DLG2: variants seen among roughly 807,000 people sequenced by gnomAD.
DLG2 encodes the protein disks large homolog 2.
A neutral mutation model predicts 132.5 loss-of-function variants in DLG2; 45 were observed. The observed-to-expected ratio is 0.34, with a 90% CI of 0.27 to 0.44. The LOEUF (loss-of-function observed/expected upper bound fraction) is 0.44. DLG2 is among the 20% of genes least tolerant of loss of function. The pLI is 1.00. For synonymous variants in DLG2, 424 were observed against 419.6 expected, an observed-to-expected ratio of 1.01 and a Z score of -0.13; for missense variants, 1,045 against 1,196.9, an observed-to-expected ratio of 0.87 and a Z score of 1.87.
chr11:83,933,525 TA>T (rs1472529146), intron 14 of DLG2, among the ~76,000 whole-genome samples: 1 of 152,242 alleles, frequency 6.6e-6, no homozygotes, highest in Non-Finnish European at 1.5e-5. Flanking sequence ...TTATAGCATA[TA>T]ATTAGCACAC....
At chr11:83,757,660 C>G (rs1044227108) in intron 18 of DLG2, among the ~76,000 whole-genome samples, 1 of 152,164 alleles carries the variant, frequency 6.6e-6, no homozygotes, top group African/African-American at 2.4e-5. Flanking sequence ...TTCTCTTGAT[C>G]TCAGGGTTGC....
intron 18 of DLG2, among the ~76,000 whole-genome samples, chr11:83,733,953 A>G (rs987143040): frequency 7.1e-5 from 9 of 126,372 alleles, no homozygotes; most frequent in African/African-American, 2.2e-4. Flanking sequence ...TCCAGTGTCT[A>G]CTATTCCACT....
chr11:84,726,035 T>C (rs2062409092), intron 6 of DLG2, among the ~76,000 whole-genome samples: 1 of 152,140 alleles, frequency 6.6e-6, no homozygotes, highest in Admixed American at 6.5e-5. Context: ...AATGCAATGA[T>C]ACATTCTCAG....
chr11:84,723,683 A>T (rs1465747209), intron 6 of DLG2, among the ~76,000 whole-genome samples: 1 of 152,134 alleles, frequency 6.6e-6, no homozygotes, highest in Non-Finnish European at 1.5e-5. Context: ...TTGAGAGTGT[A>T]CTGCATGGGG....
intron 4 of DLG2, among the ~76,000 whole-genome samples, chr11:85,233,646 C>T (rs901193187): frequency 2.0e-4 from 31 of 151,328 alleles, no homozygotes; most frequent in African/African-American, 7.5e-4. Context: ...GGCTAGATAC[C>T]ATTAGAAGCC....
chr11:84,045,111 G>C (rs2096211521), intron 11 of DLG2, among the ~76,000 whole-genome samples: 1 of 151,720 alleles, frequency 6.6e-6, no homozygotes, highest in Non-Finnish European at 1.5e-5. Flanking sequence ...TTAGTAGTAT[G>C]CACATTGTGT....
chr11:84,389,659 C>G (rs186422372), intron 7 of DLG2, among the ~76,000 whole-genome samples: 1 of 152,176 alleles, frequency 6.6e-6, no homozygotes, highest in African/African-American at 2.4e-5. Context: ...TAATTTCACA[C>G]TTTTTTATTT....
chr11:83,753,004 C>T (rs2153739569), intron 18 of DLG2, among the ~76,000 whole-genome samples: 1 of 152,216 alleles, frequency 6.6e-6, no homozygotes, highest in South Asian at 2.1e-4. Flanking sequence ...AAAAAGTAGT[C>T]CTTGAGGGGA....
At chr11:84,238,042 T>TAAAAAAAAA (rs71036414) in intron 8 of DLG2, among the ~76,000 whole-genome samples, 13 of 73,062 alleles carry the variant, frequency 1.8e-4, no homozygotes, top group Admixed American at 3.4e-4. Flanking sequence ...AGACTCTGCC[T>TAAAAAAAAA]AAAAAAAAAA....
intron 6 of DLG2, among the ~76,000 whole-genome samples, chr11:84,870,161 T>C (rs899373057): frequency 6.6e-6 from 1 of 152,200 alleles, no homozygotes; most frequent in Non-Finnish European, 1.5e-5. Context: ...GGTGGACATA[T>C]AGATTTGTGT....
intron 6 of DLG2, among the ~76,000 whole-genome samples, chr11:84,741,723 A>G (rs888758525): frequency 2.0e-5 from 3 of 152,168 alleles, no homozygotes; most frequent in Non-Finnish European, 2.9e-5. Flanking sequence ...CCAGACACGT[A>G]TAAGTTAATG....
intron 6 of DLG2, among the ~76,000 whole-genome samples, chr11:84,642,734 G>A (rs540477806): frequency 6.6e-6 from 1 of 152,162 alleles, no homozygotes; most frequent in African/African-American, 2.4e-5. Context: ...TAGCTGGAAT[G>A]AAGTAGAGAG....
At chr11:84,131,102 G>C (rs1418649541) in intron 9 of DLG2, among the ~76,000 whole-genome samples, 4 of 151,948 alleles carry the variant, frequency 2.6e-5, no homozygotes, top group Non-Finnish European at 2.9e-5. Context: ...ACAACATCTA[G>C]AAAGGGATTA....
intron 16 of DLG2, among the ~76,000 whole-genome samples, chr11:83,853,275 A>C (rs1213660286): frequency 1.3e-5 from 2 of 152,088 alleles, no homozygotes; most frequent in Non-Finnish European, 2.9e-5. Flanking sequence ...ACTTTCCCTC[A>C]TTCCTCATGA....
rs886467602 is a variant in DLG2, at chr11:83,522,699, C to G, written c.2193+10009G>C. Among the ~76,000 whole-genome samples the G allele has an allele frequency of 1.2e-4, 18 of 152,064 alleles. No homozygotes were observed. In the East Asian group the frequency reaches 3.3e-3, roughly 28 times the overall value. ...CTTCAAGGAACTTGCTATCTATTCT[C>G]CAGAGTTTATTATTATAGTTGAAAA... On this transcript the variant is annotated intron_variant, in intron 21 of 27. Coordinates refer to ENST00000376104, the MANE Select transcript of DLG2 (RefSeq NM_001142699.3).
At chr11:84,314,055 G>T (rs1162426746) in intron 7 of DLG2, among the ~76,000 whole-genome samples, 2 of 152,172 alleles carry the variant, frequency 1.3e-5, no homozygotes, top group African/African-American at 4.8e-5. Context: ...ACAGGAGTTT[G>T]GAAAAGAGCC....
chr11:84,064,137 A>G (rs1249060962), intron 10 of DLG2, among the ~76,000 whole-genome samples: 1 of 152,030 alleles, frequency 6.6e-6, no homozygotes, highest in Non-Finnish European at 1.5e-5. Flanking sequence ...ATAACAAAAA[A>G]ATTTTTCCGC....
chr11:83,550,222 A>C (rs2096354994), intron 19 of DLG2, among the ~76,000 whole-genome samples: 1 of 152,202 alleles, frequency 6.6e-6, no homozygotes, highest in African/African-American at 2.4e-5. Flanking sequence ...CACCAACCAG[A>C]AGCCCTTACA....
At chr11:84,495,630 ACT>A (rs2099180447) in intron 7 of DLG2, among the ~76,000 whole-genome samples, 1 of 152,014 alleles carries the variant, frequency 6.6e-6, no homozygotes, top group Admixed American at 6.6e-5. Flanking sequence ...TTTTGGGAAA[ACT>A]CTGGTTGCCC....
Sources: allele counts gnomAD v4.1 joint callset (sites outside exome capture counted in the v4.1 genomes callset), GRCh38; gene constraint gnomAD v4.1.1; transcripts MANE v1.5; gene names NCBI Gene and HGNC (gene_info 2026-07-23, HGNC 2026-07-21).